The following DEGS2 variants were observed in gnomAD, a reference collection of about 807,000 sequenced individuals.
The protein encoded by DEGS2 is delta 4-desaturase, sphingolipid 2.
In DEGS2, 19 loss-of-function variants were observed where a neutral mutation model predicts 23.8. That is an observed-to-expected ratio of 0.80 (90% CI 0.56 to 1.17). The LOEUF is 1.17. DEGS2 is among the 50% of genes most tolerant of loss of function. The pLI, the probability that DEGS2 is intolerant of heterozygous loss-of-function variation, is 0.00. For missense variants in DEGS2, 390 were observed against 459.5 expected (o/e 0.85, Z 1.38); for synonymous variants, 218 against 213.7 (o/e 1.02, Z -0.18).
At chr14:100,159,797 T>C (rs1220206029), upstream of DEGS2, 1 of 326,862 alleles carries the variant, frequency 3.1e-6, no homozygotes, top group African/African-American at 2.2e-5. Context: ...TAGCTGGCGC[T>C]TTGGGAACCT....
rs1245160989 is a variant in DEGS2, at chr14:100,146,484, C to T, written c.*277G>A. On this transcript the variant is annotated 3_prime_UTR_variant, in exon 3 of 3. Transcript: ENST00000305631. ...CCGGAGAAGTCAGCTCCGTGGGAAC[C>T]GTGGGCTCAGAGCACCCAGGTCATG... 6.8e-6 allele frequency: 3 copies of T among 441,394 alleles called. No homozygotes were observed. The highest frequency in any genetic ancestry group is 3.1e-5 in the South Asian group (1 of 32,028). 27.3% of individuals were successfully genotyped at this position (441,394 alleles called of 1,614,324 possible). A position where few individuals can be genotyped will look rare whatever the true frequency, so the allele number is the denominator to read the frequency against.
intron 2 of DEGS2, 117 bp from the exon 3 acceptor site, chr14:100,147,024 CAT>C: frequency 1.6e-6 from 2 of 1,240,626 alleles, no homozygotes; most frequent in East Asian, 2.4e-5. Flanking sequence ...CATGTACGAA[CAT>C]GTTTGCGCGC....
chr14:100,150,408 A>G (rs1053127537), intron 1 of DEGS2, among the ~76,000 whole-genome samples: 3 of 8,110 alleles, frequency 3.7e-4, no homozygotes, highest in African/African-American at 1.4e-3. Context: ...CCCCGCCCCC[A>G]TTCCACAGGC....
upstream of DEGS2, among the ~76,000 whole-genome samples, chr14:100,164,096 G>C (rs1454665829): frequency 6.6e-6 from 1 of 151,930 alleles, no homozygotes; most frequent in Non-Finnish European, 1.5e-5. Flanking sequence ...CGCGCCTGTG[G>C]TCCCAGGCGC....
chr14:100,158,948 C>T (rs932054330), intron 1 of DEGS2, among the ~76,000 whole-genome samples: 3 of 152,242 alleles, frequency 2.0e-5, no homozygotes, highest in African/African-American at 4.8e-5. Context: ...TAGAAGGATT[C>T]TTTAGTACAA....
Position 100,149,503 on chromosome 14 carries a change from A to C in DEGS2, c.290T>G (p.Phe97Cys). The change falls in exon 2 of 3, where the codon TTC becomes TGC. Residue 97 changes from phenylalanine (F) to cysteine (C), a missense_variant. Coordinates refer to ENST00000305631, the MANE Select transcript of DEGS2 (RefSeq NM_206918.3). ...GTTGCGTGCCGCACGGCCCGTGCCG[A>C]AGGCCGCGTTGTGCGAGATGTCGTG... ...AIHDISHNAA[F>C]GTGRAARNRW... The C allele has an allele frequency of 6.2e-7, 1 of 1,600,414 alleles. No homozygotes were observed. Among genetic ancestry groups the C allele is most frequent in the Non-Finnish European group, 8.5e-7 (1 of 1,174,964 alleles).
intron 1 of DEGS2, among the ~76,000 whole-genome samples, chr14:100,156,279 G>A (rs1889656365): frequency 6.6e-6 from 1 of 152,224 alleles, no homozygotes; most frequent in African/African-American, 2.4e-5. Flanking sequence ...CCTCACTCCT[G>A]CCTCTTCTAT....
chr14:100,165,510 A>G, the DEGS2 span, among the ~76,000 whole-genome samples: 6 of 152,224 alleles, frequency 3.9e-5, no homozygotes, highest in East Asian at 9.6e-4. Context: ...CTGCATTTCA[A>G]GCAGTGGGCG....
chr14:100,162,996 G>A (rs752337003), upstream of DEGS2, among the ~76,000 whole-genome samples: 3 of 152,318 alleles, frequency 2.0e-5, no homozygotes, highest in Admixed American at 2.0e-4. Flanking sequence ...GACAGCACAC[G>A]TCGGAGGAAA....
chr14:100,151,855 T>G (rs960987597), intron 1 of DEGS2, among the ~76,000 whole-genome samples: 8 of 152,184 alleles, frequency 5.3e-5, no homozygotes. Context: ...CAACCCACGC[T>G]TTTTGCAAAG....
chr14:100,166,684 G>A, the DEGS2 span, among the ~76,000 whole-genome samples: 2 of 152,094 alleles, frequency 1.3e-5, no homozygotes, highest in African/African-American at 4.8e-5. Context: ...CTCGGAGGTC[G>A]GGTAAGACGC....
upstream of DEGS2, chr14:100,160,022 T>A (rs1365477152): frequency 6.5e-6 from 1 of 153,238 alleles, no homozygotes; most frequent in African/African-American, 2.4e-5. Flanking sequence ...CACGCCCCTG[T>A]GGCTCGCGCC....
intron 1 of DEGS2, 36 bp from the exon 2 acceptor site, chr14:100,149,746 G>C: frequency 1.3e-6 from 2 of 1,554,904 alleles, no homozygotes; most frequent in Non-Finnish European, 1.7e-6. Flanking sequence ...GGCCCCGCTC[G>C]GTGGGGCTGC....
At position 100,156,195 on chromosome 14, in the gene DEGS2, T is replaced by A. The variant is rs188078468; in HGVS notation, c.82+3311A>T. ...CTTGGCATAGGCTGCAGGAGCCAGC[T>A]GGGTGGGGCAGGAGGCTGCCTGAGC... is the stretch of plus-strand genomic sequence containing the variant. On this transcript the variant is annotated intron_variant, in intron 1 of 2. Transcript: ENST00000305631. Among the ~76,000 whole-genome samples the A allele has an allele frequency of 6.6e-5, 10 of 152,356 alleles. No individual in the cohort carries two copies. In the East Asian group the frequency reaches 1.7e-3, roughly 26 times the overall value.
At position 100,145,586 on chromosome 14, in the gene DEGS2, G is replaced by A. The variant is rs912999583; in HGVS notation, c.*1175C>T. 4.6e-5 allele frequency: 7 copies of A among 152,230 alleles called. No individual in the cohort carries two copies. Among genetic ancestry groups the A allele is most frequent in the Non-Finnish European group, 1.5e-5 (1 of 68,050 alleles). 9.4% of individuals were successfully genotyped at this position (152,230 alleles called of 1,614,324 possible). On this transcript the variant is annotated 3_prime_UTR_variant, in exon 3 of 3. Coordinates refer to ENST00000305631, the MANE Select transcript of DEGS2 (RefSeq NM_206918.3). The stretch of plus-strand genomic sequence containing the variant: ...GCCTCAGTCTCCATTCCTAAGTCCT[G>A]GAGGCTGAGGCCGCCTTCCCCAAGG...
chr14:100,149,849 A>G, intron 1 of DEGS2, 139 bp from the exon 2 acceptor site: 1 of 910,998 alleles, frequency 1.1e-6, no homozygotes, highest in Non-Finnish European at 1.6e-6. Context: ...CCCTGCACAC[A>G]GGCCCTGTCC....
Position 100,149,710 on chromosome 14 carries a change from G to A in DEGS2, c.83C>T (p.Ala28Val). 1 of 1,595,198 alleles carries A rather than the reference G, an allele frequency of 6.3e-7. No individual in the cohort carries two copies. Among genetic ancestry groups the A allele is most frequent in the Non-Finnish European group, 8.5e-7 (1 of 1,169,938 alleles). The change falls in exon 2 of 3, where the codon GCC (alanine) becomes GTC (valine). Residue 28 changes from alanine to valine, a missense_variant and splice_region_variant. Physicochemically the swap from Ala to Val is moderately conservative, Grantham distance 64. Transcript: ENST00000305631. Reference protein sequence around the residue: ...PHTQRRKEILAKYPAIKALMR... With the variant: ...PHTQRRKEILVKYPAIKALMR... ...CAGGGCCTTGATGGCCGGGTACTTG[G>A]CTGCAAGGAAGACAGGGAGGTATGA...
chr14:100,166,511 G>T, the DEGS2 span, among the ~76,000 whole-genome samples: 2 of 152,126 alleles, frequency 1.3e-5, no homozygotes, highest in Admixed American at 6.5e-5. Context: ...CTCTATCCCT[G>T]CCCTTCCTGA....
rs1889439067 is a variant in DEGS2, at chr14:100,146,050, T to TG, written c.*710dup. 1 of 151,616 alleles carries TG rather than the reference T, an allele frequency of 6.6e-6. No individual in the cohort carries two copies. Among genetic ancestry groups the TG allele is most frequent in the African/African-American group, 2.4e-5 (1 of 41,046 alleles). 9.4% of individuals were successfully genotyped at this position (151,616 alleles called of 1,614,324 possible). On this transcript the variant is annotated 3_prime_UTR_variant, in exon 3 of 3. Coordinates refer to ENST00000305631, the MANE Select transcript of DEGS2 (RefSeq NM_206918.3). Reference sequence around the variant, plus strand: ...GCAGGAGGTGAGCAGGCCCAAGGGGTGGGGGCAAGGCAGGTGGTGTGGGCT... The same window carrying TG: ...GCAGGAGGTGAGCAGGCCCAAGGGGTGGGGGGCAAGGCAGGTGGTGTGGGCT...
Sources: allele counts gnomAD v4.1 joint callset (sites outside exome capture counted in the v4.1 genomes callset), GRCh38; gene constraint gnomAD v4.1.1; transcripts MANE v1.5; gene names NCBI Gene and HGNC (gene_info 2026-07-23, HGNC 2026-07-21).